The following RANBP2 variants were observed in gnomAD, a reference collection of about 807,000 sequenced individuals.
RANBP2 encodes the protein RAN binding protein 2.
Under a neutral mutation model 303.6 loss-of-function variants are expected in RANBP2, and 57 were observed. The ratio of observed to expected loss-of-function variants is 0.19; its 90% confidence interval spans 0.15 to 0.23. The LOEUF is 0.23. Ranked by LOEUF, RANBP2 falls within the 10% of genes least tolerant of loss-of-function variation. RANBP2 has a pLI of 1.00. For missense variants in RANBP2, 3,138 were observed against 3,780.8 expected, an observed-to-expected ratio of 0.83 and a Z score of 4.46; for synonymous variants, 1,167 against 1,301.5, an observed-to-expected ratio of 0.90 and a Z score of 2.23.
rs539183099 is a variant in RANBP2 at position 108,753,815 on chromosome 2, A to G, written c.2056-10A>G. The G allele has an allele frequency of 2.0e-5, 32 of 1,611,952 alleles. No homozygotes were observed. The highest frequency in any genetic ancestry group is 2.3e-4 in the Middle Eastern group (1 of 4,430). On this transcript the variant is annotated splice_polypyrimidine_tract_variant and intron_variant, in intron 14 of 28. Transcript: ENST00000283195. Reference sequence around the variant, plus strand: ...AACCTAATGATTTCATAAAAGCACTATTTGTATAGATTTTTCACAGGAAGG... The same window carrying G: ...AACCTAATGATTTCATAAAAGCACTGTTTGTATAGATTTTTCACAGGAAGG...
the RANBP2 span, among the ~76,000 whole-genome samples, chr2:108,973,188 A>G: frequency 6.6e-6 from 1 of 152,168 alleles, no homozygotes; most frequent in Admixed American, 6.5e-5. Flanking sequence ...GGGTTTCACC[A>G]TGTTGGCCAG....
chr2:108,902,095 G>A, the RANBP2 span, among the ~76,000 whole-genome samples: 1 of 152,076 alleles, frequency 6.6e-6, no homozygotes, highest in African/African-American at 2.4e-5. Context: ...AAAATTAGCT[G>A]GGCATGGTGG....
At chr2:109,034,298 G>A in the RANBP2 span, among the ~76,000 whole-genome samples, 778 of 124,144 alleles carry the variant, frequency 6.3e-3, 42 homozygotes, top group Non-Finnish European at 7.1e-3. Flanking sequence ...AAAAAAAAAG[G>A]AAGGTTCAAA....
At chr2:108,904,113 C>T in the RANBP2 span, among the ~76,000 whole-genome samples, 7 of 151,982 alleles carry the variant, frequency 4.6e-5, no homozygotes, top group African/African-American at 1.7e-4. Context: ...CCTCAAAACT[C>T]AACAGCAAAA....
chr2:109,619,215 C>G, the RANBP2 span, among the ~76,000 whole-genome samples: 2 of 152,160 alleles, frequency 1.3e-5, no homozygotes, highest in Admixed American at 6.6e-5. Flanking sequence ...AGAGTCAGGG[C>G]TTTCCCACAA....
At chr2:109,476,299 A>G in the RANBP2 span, among the ~76,000 whole-genome samples, 1 of 152,192 alleles carries the variant, frequency 6.6e-6, no homozygotes, top group African/African-American at 2.4e-5. Context: ...AAGGGGGTCA[A>G]GTGAAGATCA....
chr2:108,851,899 A>G, the RANBP2 span, among the ~76,000 whole-genome samples: 3 of 152,186 alleles, frequency 2.0e-5, no homozygotes, highest in Admixed American at 6.5e-5. Flanking sequence ...TTATCCTCAT[A>G]TTAGTGATGA....
downstream of RANBP2, among the ~76,000 whole-genome samples, chr2:108,786,490 T>A (rs1678738610): frequency 6.6e-6 from 1 of 152,150 alleles, no homozygotes; most frequent in African/African-American, 2.4e-5. Flanking sequence ...ACACCAAACT[T>A]AACAGGTTAA....
the RANBP2 span, among the ~76,000 whole-genome samples, chr2:108,794,120 A>G: frequency 6.6e-6 from 1 of 152,224 alleles, no homozygotes; most frequent in Non-Finnish European, 1.5e-5. Context: ...CAAAACAAGC[A>G]AGGACTTTTA....
the RANBP2 span, among the ~76,000 whole-genome samples, chr2:109,355,070 C>T: frequency 6.6e-6 from 1 of 152,188 alleles, no homozygotes; most frequent in Admixed American, 6.5e-5. Context: ...CTGAGACCAC[C>T]TGAATACAAA....
At chr2:108,911,099 A>AC in the RANBP2 span, 2 of 1,613,726 alleles carry the variant, frequency 1.2e-6, no homozygotes, top group South Asian at 2.2e-5. Context: ...GGCATGAATG[A>AC]CCCAGAGCTC....
At chr2:108,937,041 G>A in the RANBP2 span, among the ~76,000 whole-genome samples, 50 of 152,236 alleles carry the variant, frequency 3.3e-4, no homozygotes, top group Non-Finnish European at 4.4e-4. Flanking sequence ...GAACAGACAC[G>A]CAGAGCACAG....
At chr2:109,417,251 T>C in the RANBP2 span, among the ~76,000 whole-genome samples, 438 of 152,244 alleles carry the variant, frequency 2.9e-3, no homozygotes, top group African/African-American at 8.3e-3. Context: ...CCTTGGGGTG[T>C]CTCTGCCCTC....
the RANBP2 span, among the ~76,000 whole-genome samples, chr2:109,761,963 AGAT>A: frequency 9.3e-5 from 14 of 150,512 alleles, 1 homozygote; most frequent in African/African-American, 3.4e-4. Context: ...TAACTCATAT[AGAT>A]GATATGTGGA....
chr2:109,117,455 C>T, the RANBP2 span, among the ~76,000 whole-genome samples: 2 of 152,220 alleles, frequency 1.3e-5, no homozygotes, highest in Non-Finnish European at 2.9e-5. Flanking sequence ...AGGATATAAT[C>T]TCCTGGTGTG....
the RANBP2 span, among the ~76,000 whole-genome samples, chr2:108,917,147 G>A: frequency 1.3e-5 from 2 of 152,200 alleles, no homozygotes; most frequent in Admixed American, 6.5e-5. Context: ...GCCGACAGGC[G>A]AGGGAAGGTG....
At chr2:108,999,618 C>G in the RANBP2 span, among the ~76,000 whole-genome samples, 1 of 152,132 alleles carries the variant, frequency 6.6e-6, no homozygotes, top group Non-Finnish European at 1.5e-5. Context: ...ATGGAGATTC[C>G]TGGTAGGCTG....
chr2:109,548,134 C>T, the RANBP2 span, among the ~76,000 whole-genome samples: 13 of 86,922 alleles, frequency 1.5e-4, no homozygotes, highest in Non-Finnish European at 3.2e-4. Flanking sequence ...GAGACAAGGT[C>T]CAAGGAGAAT....
At chr2:109,318,325 G>T in the RANBP2 span, among the ~76,000 whole-genome samples, 8 of 151,968 alleles carry the variant, frequency 5.3e-5, no homozygotes. Flanking sequence ...GGTGCCTCCC[G>T]GCCCCCAGCC....
Sources: allele counts gnomAD v4.1 joint callset (sites outside exome capture counted in the v4.1 genomes callset), GRCh38; gene constraint gnomAD v4.1.1; transcripts MANE v1.5; gene names NCBI Gene and HGNC (gene_info 2026-07-23, HGNC 2026-07-21).